INSYN2B: variants seen among roughly 807,000 people sequenced by gnomAD.
The protein encoded by INSYN2B is protein INSYN2B.
Under a neutral mutation model 41.2 loss-of-function variants are expected in INSYN2B, and 16 were observed. The observed-to-expected ratio is 0.39, with a 90% confidence interval of 0.26 to 0.59. INSYN2B has a LOEUF of 0.59. INSYN2B is among the 20% of genes least tolerant of loss of function. The pLI is 0.57. For missense variants in INSYN2B, 608 were observed against 646.4 expected (o/e 0.94, Z 0.64); for synonymous variants, 245 against 244.4 (o/e 1.00, Z -0.02).
chr5:169,906,324 C>T (rs111380330), intron 1 of INSYN2B, among the ~76,000 whole-genome samples: 3,470 of 152,232 alleles, frequency 0.023, 55 homozygotes, highest in Middle Eastern at 0.065. Flanking sequence ...GGCTCCCAAG[C>T]CAGTGTGTGC....
chr5:169,936,554 G>A (rs1776007519), intron 1 of INSYN2B, among the ~76,000 whole-genome samples: 1 of 148,014 alleles, frequency 6.8e-6, no homozygotes, highest in South Asian at 2.2e-4. Flanking sequence ...ATGTTGGGGA[G>A]AATCATTGGT....
chr5:169,870,177 C>T (rs1177284554), intron 3 of INSYN2B, among the ~76,000 whole-genome samples: 1 of 152,124 alleles, frequency 6.6e-6, no homozygotes, highest in Non-Finnish European at 1.5e-5. Flanking sequence ...CACGGAGCCA[C>T]GTTGCATTTA....
At chr5:169,944,553 G>A (rs1171544556) in intron 1 of INSYN2B, among the ~76,000 whole-genome samples, 1 of 152,218 alleles carries the variant, frequency 6.6e-6, no homozygotes, top group Admixed American at 6.5e-5. Context: ...GTCCTCAGTG[G>A]AATCCCAGCC....
intron 1 of INSYN2B, among the ~76,000 whole-genome samples, chr5:169,947,147 C>T (rs889834326): frequency 6.6e-6 from 1 of 152,228 alleles, no homozygotes; most frequent in Non-Finnish European, 1.5e-5. Context: ...ATTGTGCAAA[C>T]TTCCAAGGTC....
intron 1 of INSYN2B, among the ~76,000 whole-genome samples, chr5:169,973,643 A>G (rs1777606879): frequency 2.0e-5 from 3 of 152,196 alleles, no homozygotes; most frequent in African/African-American, 7.2e-5. Flanking sequence ...AGCTACATCT[A>G]TGAGAAACTA....
chr5:169,979,372 A>T (rs1046259309), intron 1 of INSYN2B, among the ~76,000 whole-genome samples: 8 of 152,358 alleles, frequency 5.3e-5, no homozygotes, highest in African/African-American at 9.6e-5. Context: ...ACTTGTACAG[A>T]GGGGCAGGAC....
intron 1 of INSYN2B, among the ~76,000 whole-genome samples, chr5:169,927,980 T>C (rs1775556454): frequency 6.6e-6 from 1 of 152,134 alleles, no homozygotes; most frequent in Non-Finnish European, 1.5e-5. Flanking sequence ...TTCCTTGGGT[T>C]TCAGTAGGTG....
At chr5:169,928,598 G>A (rs1775591484) in intron 1 of INSYN2B, among the ~76,000 whole-genome samples, 1 of 152,184 alleles carries the variant, frequency 6.6e-6, no homozygotes, top group Non-Finnish European at 1.5e-5. Flanking sequence ...AGAAAGCATG[G>A]AAAGGACAGT....
intron 1 of INSYN2B, among the ~76,000 whole-genome samples, chr5:169,947,352 G>A (rs2113717349): frequency 6.6e-6 from 1 of 152,330 alleles, no homozygotes; most frequent in South Asian, 2.1e-4. Context: ...GAGGGACCTG[G>A]CATTTGTTGA....
chr5:169,975,646 G>T (rs1349327680), intron 1 of INSYN2B, among the ~76,000 whole-genome samples: 1 of 152,102 alleles, frequency 6.6e-6, no homozygotes, highest in Non-Finnish European at 1.5e-5. Context: ...TCTTAAAGAG[G>T]CCACTATGAT....
At chr5:169,912,499 T>G (rs1439431392) in intron 1 of INSYN2B, among the ~76,000 whole-genome samples, 1 of 152,218 alleles carries the variant, frequency 6.6e-6, no homozygotes, top group African/African-American at 2.4e-5. Context: ...TCTTAGGGTC[T>G]TATTGAGACA....
chr5:169,928,575 A>G (rs577780919), intron 1 of INSYN2B, among the ~76,000 whole-genome samples: 2 of 152,340 alleles, frequency 1.3e-5, no homozygotes, highest in East Asian at 3.9e-4. Flanking sequence ...TCGTCCATCC[A>G]AAAGAGAGGC....
chr5:169,881,790 CG>C (rs1772670582), intron 2 of INSYN2B, among the ~76,000 whole-genome samples: 1 of 152,166 alleles, frequency 6.6e-6, no homozygotes, highest in Non-Finnish European at 1.5e-5. Flanking sequence ...CTCTCCTATA[CG>C]GCAGTGCTGA....
rs1190694688 is a variant in INSYN2B, at chr5:169,861,377, T to G, written c.*2896A>C. ...AACAGTTTAGAAATTTACAAAACCT[T>G]ACATCAGTACATCGTCTTTAAGAAG... On this transcript the variant is annotated 3_prime_UTR_variant, in exon 4 of 4. Transcript: ENST00000377365. Among the ~76,000 whole-genome samples, 4 of 152,232 alleles carry G rather than the reference T, an allele frequency of 2.6e-5. No homozygotes were observed. Among genetic ancestry groups the G allele is most frequent in the African/African-American group, 4.8e-5 (2 of 41,462 alleles).
intron 1 of INSYN2B, among the ~76,000 whole-genome samples, chr5:169,948,682 T>G (rs1451264197): frequency 6.6e-6 from 1 of 151,506 alleles, no homozygotes. Flanking sequence ...GGTGTGATTA[T>G]GGCTCACTGC....
At chr5:169,887,624 A>G (rs1445632224) in intron 1 of INSYN2B, among the ~76,000 whole-genome samples, 1 of 152,214 alleles carries the variant, frequency 6.6e-6, no homozygotes. Context: ...TTTAAATAGT[A>G]TTTTTGTGGA....
chr5:169,922,145 C>T (rs765473191), intron 1 of INSYN2B, among the ~76,000 whole-genome samples: 3 of 152,196 alleles, frequency 2.0e-5, no homozygotes, highest in Non-Finnish European at 4.4e-5. Flanking sequence ...TAATGTCAGT[C>T]ATCAATATTT....
chr5:169,882,426 G>A, intron 2 of INSYN2B, 127 bp downstream of exon 2: 1 of 752,584 alleles, frequency 1.3e-6, no homozygotes, highest in Non-Finnish European at 2.1e-6. Context: ...GTTATGATTT[G>A]GAGAAACAAC....
chr5:169,889,067 C>A (rs1157231912), intron 1 of INSYN2B, among the ~76,000 whole-genome samples: 1 of 152,182 alleles, frequency 6.6e-6, no homozygotes, highest in Non-Finnish European at 1.5e-5. Flanking sequence ...ATGGTCTACT[C>A]TGAGTCCTTA....
Sources: allele counts gnomAD v4.1 joint callset (sites outside exome capture counted in the v4.1 genomes callset), GRCh38; gene constraint gnomAD v4.1.1; transcripts MANE v1.5; gene names NCBI Gene and HGNC (gene_info 2026-07-23, HGNC 2026-07-21).